Variants in TUSC3 observed in about 807,000 individuals in gnomAD.
The protein encoded by TUSC3 is tumor suppressor candidate 3.
In TUSC3, 45 loss-of-function variants were observed where a neutral mutation model predicts 44.8. The observed-to-expected ratio is 1.00, with a 90% CI of 0.79 to 1.29. The LOEUF (loss-of-function observed/expected upper bound fraction) is 1.29. Among genes scored for constraint, TUSC3 ranks in the 50% most tolerant of loss-of-function variants. The pLI is 0.00. For synonymous variants in TUSC3, 212 were observed against 152.9 expected (o/e 1.39, Z -2.85); for missense variants, 519 against 437.9 (o/e 1.19, Z -1.65).
At chr8:15,507,950 C>G (rs1198460895) in intron 2 of TUSC3, among the ~76,000 whole-genome samples, 1 of 152,070 alleles carries the variant, frequency 6.6e-6, no homozygotes, top group Non-Finnish European at 1.5e-5. Context: ...TGAGTCAAAA[C>G]TTGCTCTGAG....
chr8:15,510,566 T>C (rs1234027295), intron 2 of TUSC3, among the ~76,000 whole-genome samples: 1 of 152,070 alleles, frequency 6.6e-6, no homozygotes, highest in Non-Finnish European at 1.5e-5. Flanking sequence ...ACACTATATA[T>C]ATTTTTTTAA....
In TUSC3 at chr8:15,470,246, A is replaced by G. The variant is rs1355558647; in HGVS notation, n.92-13140A>G. 2.0e-5 allele frequency among the ~76,000 whole-genome samples: 3 copies of G among 149,022 alleles called. No individual in the cohort carries two copies. The Admixed American group carries it at 2.0e-4, about 10-fold the overall frequency. On this transcript the variant is annotated intron_variant and non_coding_transcript_variant, in intron 1 of 5. Transcript: ENST00000503191. The stretch of plus-strand genomic sequence containing the variant: ...TACACTCCAGCCTGGGCAACAGAGA[A>G]AGACCCTGTCTCAAAAAAAAAAAAA...
the TUSC3 span, among the ~76,000 whole-genome samples, chr8:15,811,218 C>T: frequency 2.0e-5 from 3 of 152,174 alleles, no homozygotes; most frequent in Non-Finnish European, 4.4e-5. Context: ...TCCCAAATCT[C>T]AGAGACATAA....
intron 2 of TUSC3, among the ~76,000 whole-genome samples, chr8:15,526,604 C>G (rs1287889463): frequency 6.6e-6 from 1 of 152,114 alleles, no homozygotes; most frequent in Non-Finnish European, 1.5e-5. Context: ...GGCTCTCATT[C>G]TCTCGTCTGC....
In TUSC3 at chr8:15,743,537, G is replaced by A. The variant is rs759733502; in HGVS notation, c.863-1G>A. 7.4e-6 allele frequency: 12 copies of A among 1,613,898 alleles called. No individual in the cohort carries two copies. The highest frequency in any genetic ancestry group is 3.3e-5 in the South Asian group (3 of 91,066). On this transcript the variant is annotated splice_acceptor_variant, in intron 7 of 10. Transcript: ENST00000503731. LOFTEE classifies it high-confidence loss of function. The stretch of plus-strand genomic sequence containing the variant: ...TACGGCTTCCTTGACAACTACTGCA[G>A]ATGCCGCTATCACCATGGGGATGGT...
intron 7 of TUSC3, among the ~76,000 whole-genome samples, chr8:15,740,778 G>A (rs923415413): frequency 6.6e-6 from 1 of 152,078 alleles, no homozygotes; most frequent in East Asian, 1.9e-4. Flanking sequence ...TTCCACTTAT[G>A]GTTATAGACC....
At chr8:15,577,156 GTTGT>G (rs1803149104) in intron 1 of TUSC3, among the ~76,000 whole-genome samples, 1 of 149,460 alleles carries the variant, frequency 6.7e-6, no homozygotes, top group Non-Finnish European at 1.5e-5. Context: ...TTTTGATGGG[GTTGT>G]TTGTTTTTTT....
At chr8:15,526,077 G>A (rs1315438374) in intron 2 of TUSC3, among the ~76,000 whole-genome samples, 1 of 151,938 alleles carries the variant, frequency 6.6e-6, no homozygotes, top group Non-Finnish European at 1.5e-5. Context: ...TTGTCGTCCA[G>A]GCTGGAGTGC....
the TUSC3 span, among the ~76,000 whole-genome samples, chr8:15,788,089 G>C: frequency 6.6e-6 from 1 of 152,148 alleles, no homozygotes; most frequent in African/African-American, 2.4e-5. Context: ...TCATGGGGAT[G>C]ATGAGGGCTT....
the TUSC3 span, among the ~76,000 whole-genome samples, chr8:15,803,579 T>TAC: frequency 1.1e-4 from 16 of 152,232 alleles, no homozygotes; most frequent in Non-Finnish European, 2.2e-4. Context: ...AGTTCTGGGA[T>TAC]ACACGTGCTG....
intron 2 of TUSC3, among the ~76,000 whole-genome samples, chr8:15,499,246 A>T (rs1490663279): frequency 6.6e-6 from 1 of 152,132 alleles, no homozygotes; most frequent in African/African-American, 2.4e-5. Flanking sequence ...TTATTTAAAC[A>T]TTTTATTTGC....
chr8:15,816,801 T>C, the TUSC3 span, among the ~76,000 whole-genome samples: 1 of 152,214 alleles, frequency 6.6e-6, no homozygotes, highest in East Asian at 1.9e-4. Context: ...ATACAAATGA[T>C]ACAATGTAAG....
At chr8:15,573,691 G>T (rs915912497) in intron 1 of TUSC3, among the ~76,000 whole-genome samples, 1 of 152,028 alleles carries the variant, frequency 6.6e-6, no homozygotes, top group East Asian at 1.9e-4. Flanking sequence ...ATTTTGCCCT[G>T]CAGGAGATAC....
At chr8:15,541,651 A>G (rs2129132936) in intron 1 of TUSC3, among the ~76,000 whole-genome samples, 1 of 152,312 alleles carries the variant, frequency 6.6e-6, no homozygotes, top group South Asian at 2.1e-4. Context: ...AAATTTTAAC[A>G]TGAAAGTAGG....
At chr8:15,809,376 T>G in the TUSC3 span, among the ~76,000 whole-genome samples, 1 of 152,314 alleles carries the variant, frequency 6.6e-6, no homozygotes, top group South Asian at 2.1e-4. Flanking sequence ...GCTCTATAAT[T>G]ATCCTTGCCT....
rs373331438 is a variant in TUSC3, at chr8:15,552,332, A to C, written c.138+11764A>C. 1.1e-3 allele frequency among the ~76,000 whole-genome samples: 169 copies of C among 151,856 alleles called. 3 individuals carry two copies. In the South Asian group the frequency reaches 0.035, roughly 32 times the overall value. On this transcript the variant is annotated intron_variant, in intron 1 of 10. Coordinates refer to ENST00000503731, the MANE Select transcript of TUSC3 (RefSeq NM_006765.4). ...GGTGAATACTACATGTTAGGTAGGT[A>C]CAGTGCTGGATTTTGAAGGTAGAGT...
intron 7 of TUSC3, among the ~76,000 whole-genome samples, chr8:15,735,882 T>TC (rs1810913913): frequency 2.6e-5 from 1 of 37,922 alleles, no homozygotes; most frequent in Admixed American, 3.1e-4. Flanking sequence ...TTTTTTTTTT[T>TC]GTTTTTTTGG....
intron 2 of TUSC3, among the ~76,000 whole-genome samples, chr8:15,486,632 A>T (rs1245206035): frequency 1.3e-5 from 2 of 151,778 alleles, no homozygotes; most frequent in Non-Finnish European, 2.9e-5. Flanking sequence ...TTTAGTAGAG[A>T]TGGGGTTTCA....
intron 2 of TUSC3, among the ~76,000 whole-genome samples, chr8:15,629,447 A>G (rs965919772): frequency 2.0e-5 from 3 of 151,906 alleles, no homozygotes; most frequent in African/African-American, 7.3e-5. Flanking sequence ...TTCTACAAAT[A>G]TTTTTCAAGA....
Sources: allele counts gnomAD v4.1 joint callset (sites outside exome capture counted in the v4.1 genomes callset), GRCh38; gene constraint gnomAD v4.1.1; transcripts MANE v1.5; gene names NCBI Gene and HGNC (gene_info 2026-07-23, HGNC 2026-07-21).